Variants in CTNNA3 observed in about 807,000 individuals in gnomAD.
CTNNA3 encodes catenin alpha-3.
Under a neutral mutation model 95.7 loss-of-function variants are expected in CTNNA3, and 76 were observed. The observed-to-expected ratio is 0.79, with a 90% CI of 0.66 to 0.96. CTNNA3 has a LOEUF of 0.96. Ranked by LOEUF, CTNNA3 falls within the 40% of genes least tolerant of loss-of-function variation. The pLI is 0.00. For synonymous variants in CTNNA3, 431 were observed against 374.4 expected, an observed-to-expected ratio of 1.15 and a Z score of -1.74; for missense variants, 1,191 against 1,089.8, an observed-to-expected ratio of 1.09 and a Z score of -1.31.
intron 1 of CTNNA3, among the ~76,000 whole-genome samples, chr10:67,690,109 G>A (rs565539857): frequency 9.2e-5 from 14 of 152,208 alleles, no homozygotes; most frequent in South Asian, 2.1e-4. Flanking sequence ...ATATGTGTCC[G>A]GAGTTACTCC....
At chr10:66,695,732 T>C (rs1482421560) in intron 9 of CTNNA3, among the ~76,000 whole-genome samples, 1 of 152,074 alleles carries the variant, frequency 6.6e-6, no homozygotes, top group Non-Finnish European at 1.5e-5. Flanking sequence ...ATATTGTTAT[T>C]GGGCCATCTG....
chr10:67,042,913 T>C (rs915628926), intron 7 of CTNNA3, among the ~76,000 whole-genome samples: 2 of 152,126 alleles, frequency 1.3e-5, no homozygotes, highest in Admixed American at 6.5e-5. Flanking sequence ...TGTAACAAAT[T>C]TGAATATATT....
At chr10:66,854,639 G>C (rs1589336946) in intron 7 of CTNNA3, among the ~76,000 whole-genome samples, 1 of 151,906 alleles carries the variant, frequency 6.6e-6, no homozygotes, top group African/African-American at 2.4e-5. Flanking sequence ...AAATGGTTAA[G>C]AAGAGTAAAT....
intron 15 of CTNNA3, among the ~76,000 whole-genome samples, chr10:66,024,611 C>T (rs970726666): frequency 6.6e-6 from 1 of 152,144 alleles, no homozygotes; most frequent in African/African-American, 2.4e-5. Context: ...AATCACTGAA[C>T]TCTTTTTCCT....
chr10:66,211,431 G>A (rs2088147981), intron 13 of CTNNA3, among the ~76,000 whole-genome samples: 1 of 152,100 alleles, frequency 6.6e-6, no homozygotes, highest in South Asian at 2.1e-4. Flanking sequence ...AGGAAGACTG[G>A]GAAGCAGTTC....
chr10:66,657,156 T>C (rs1407668809), intron 9 of CTNNA3, among the ~76,000 whole-genome samples: 1 of 152,128 alleles, frequency 6.6e-6, no homozygotes, highest in African/African-American at 2.4e-5. Flanking sequence ...TACTTGGACC[T>C]GATGCTAAAA....
At chr10:66,763,341 C>CACACACAGAGAGAG (rs371974709) in intron 9 of CTNNA3, among the ~76,000 whole-genome samples, 10 of 139,212 alleles carry the variant, frequency 7.2e-5, no homozygotes, top group African/African-American at 2.2e-4. Flanking sequence ...CACACACACA[C>CACACACAGAGAGAG]AGAGAGAGAG....
At chr10:66,544,709 G>A (rs1388436229) in intron 10 of CTNNA3, among the ~76,000 whole-genome samples, 1 of 152,066 alleles carries the variant, frequency 6.6e-6, no homozygotes, top group Non-Finnish European at 1.5e-5. Context: ...ATTGTGTTTT[G>A]TTTTGCTTTT....
At chr10:67,213,977 A>G (rs966261801) in intron 6 of CTNNA3, among the ~76,000 whole-genome samples, 10 of 151,734 alleles carry the variant, frequency 6.6e-5, no homozygotes, top group African/African-American at 2.4e-4. Context: ...AATTTGTTGG[A>G]TATCGTTTTA....
At chr10:67,474,659 A>T (rs1372293264) in intron 5 of CTNNA3, among the ~76,000 whole-genome samples, 1 of 152,242 alleles carries the variant, frequency 6.6e-6, no homozygotes, top group African/African-American at 2.4e-5. Context: ...AAATAAGCAC[A>T]TGAAAAGATT....
At chr10:67,345,906 T>A (rs1416307562) in intron 5 of CTNNA3, among the ~76,000 whole-genome samples, 1 of 152,138 alleles carries the variant, frequency 6.6e-6, no homozygotes, top group Non-Finnish European at 1.5e-5. Context: ...TTCTCTTCCT[T>A]CTTTCTTCCC....
chr10:66,393,362 T>C (rs2092948855), intron 11 of CTNNA3, among the ~76,000 whole-genome samples: 1 of 152,078 alleles, frequency 6.6e-6, no homozygotes, highest in African/African-American at 2.4e-5. Context: ...CTGTAAACGG[T>C]AGGATTTACA....
chr10:66,401,285 G>A (rs2093017804), intron 11 of CTNNA3, among the ~76,000 whole-genome samples: 1 of 152,048 alleles, frequency 6.6e-6, no homozygotes, highest in African/African-American at 2.4e-5. Context: ...CCAGCACGCT[G>A]GGAGGCTGAG....
At chr10:66,522,278 C>A (rs1283345707) in intron 10 of CTNNA3, among the ~76,000 whole-genome samples, 2 of 152,120 alleles carry the variant, frequency 1.3e-5, no homozygotes, top group Non-Finnish European at 2.9e-5. Flanking sequence ...TCAAACTTTG[C>A]CATAAATATG....
At chr10:67,317,893 T>C (rs1841127879) in intron 5 of CTNNA3, among the ~76,000 whole-genome samples, 1 of 120,704 alleles carries the variant, frequency 8.3e-6, no homozygotes, top group Non-Finnish European at 2.0e-5. Flanking sequence ...TTTATAGCCC[T>C]TGTGAAAAAC....
rs2086502608 is a variant in CTNNA3 at position 66,188,991 on chromosome 10, C to T, written c.1885-85742G>A. Among the ~76,000 whole-genome samples, 6 of 152,098 alleles carry T rather than the reference C, an allele frequency of 3.9e-5. No homozygotes were observed. In the South Asian group the frequency reaches 1.2e-3, roughly 32 times the overall value. On this transcript the variant is annotated intron_variant, in intron 13 of 17. Transcript: ENST00000433211. ...CCCTGATCATTAGTGATCTTGAGCA[C>T]CTTTTCATATACCTACTAGCCATTT... is the stretch of plus-strand genomic sequence containing the variant.
chr10:66,435,388 G>T (rs1183609567), intron 11 of CTNNA3, among the ~76,000 whole-genome samples: 1 of 152,070 alleles, frequency 6.6e-6, no homozygotes, highest in East Asian at 1.9e-4. Context: ...GGGTGTATGT[G>T]TCCAGGAATT....
At chr10:67,447,733 T>C (rs1372390054) in intron 5 of CTNNA3, among the ~76,000 whole-genome samples, 1 of 152,158 alleles carries the variant, frequency 6.6e-6, no homozygotes, top group African/African-American at 2.4e-5. Flanking sequence ...ATAGCTCTTA[T>C]AACTGCTTGA....
At chr10:67,156,847 T>A (rs191972382) in intron 7 of CTNNA3, among the ~76,000 whole-genome samples, 2 of 152,206 alleles carry the variant, frequency 1.3e-5, no homozygotes, top group Admixed American at 1.3e-4. Context: ...CTTATTGATA[T>A]TTTGTCTGTA....
Sources: allele counts gnomAD v4.1 joint callset (sites outside exome capture counted in the v4.1 genomes callset), GRCh38; gene constraint gnomAD v4.1.1; transcripts MANE v1.5; gene names NCBI Gene and HGNC (gene_info 2026-07-23, HGNC 2026-07-21).